RALGAPA2: variants seen among roughly 807,000 people sequenced by gnomAD.
RALGAPA2 encodes Ral GTPase activating protein catalytic subunit alpha 2.
RALGAPA2 carries 139 observed loss-of-function variants against 230.4 expected under a neutral mutation model. The observed-to-expected ratio is 0.60, with a 90% CI of 0.53 to 0.69. RALGAPA2 has a LOEUF of 0.69. Ranked by LOEUF, RALGAPA2 falls within the 30% of genes least tolerant of loss-of-function variation. The pLI is 0.00. For synonymous variants in RALGAPA2, 847 were observed against 837.8 expected (o/e 1.01, Z -0.19); for missense variants, 2,163 against 2,276.0 (o/e 0.95, Z 1.01).
At chr20:20,418,301 C>T (rs907391353) in intron 37 of RALGAPA2, among the ~76,000 whole-genome samples, 6 of 152,216 alleles carry the variant, frequency 3.9e-5, no homozygotes, top group Non-Finnish European at 7.3e-5. Flanking sequence ...AAAATACCAT[C>T]TTATATATCC....
chr20:20,416,375 G>C (rs1234071208), intron 37 of RALGAPA2, among the ~76,000 whole-genome samples: 2 of 152,148 alleles, frequency 1.3e-5, no homozygotes, highest in Non-Finnish European at 2.9e-5. Flanking sequence ...CCATTTTACT[G>C]ATCAGGTAAT....
chr20:20,549,006 T>C (rs2145734168), intron 23 of RALGAPA2, among the ~76,000 whole-genome samples: 1 of 152,368 alleles, frequency 6.6e-6, no homozygotes, highest in South Asian at 2.1e-4. Context: ...AACTTTGTTA[T>C]GCTTGTGTTA....
Position 20,572,871 on chromosome 20 carries a change from T to C in RALGAPA2, c.2901+4A>G. 6.6e-7 allele frequency: 1 copy of C among 1,516,252 alleles called. No individual in the cohort carries two copies. Among genetic ancestry groups the C allele is most frequent in the Non-Finnish European group, 8.9e-7 (1 of 1,123,008 alleles). 93.9% of individuals were successfully genotyped at this position (1,516,252 alleles called of 1,614,324 possible). ...AGAATAAAAAGTAACATAGCAGAAC[T>C]TACCTTTGCTAGTTTGTACCAGAGT... On this transcript the variant is annotated splice_donor_region_variant and intron_variant, in intron 21 of 39. Transcript: ENST00000202677.
intron 2 of RALGAPA2, among the ~76,000 whole-genome samples, chr20:20,678,940 T>C (rs2068430864): frequency 6.6e-6 from 1 of 152,122 alleles, no homozygotes. Context: ...CAATTCTCTC[T>C]CCCCTGGTCC....
intron 1 of RALGAPA2, among the ~76,000 whole-genome samples, chr20:20,701,693 G>A (rs1476212840): frequency 6.6e-6 from 1 of 151,962 alleles, no homozygotes; most frequent in Non-Finnish European, 1.5e-5. Flanking sequence ...TTGTGCCACT[G>A]CACTCCAGCC....
At chr20:20,615,808 A>G (rs2066123184) in intron 13 of RALGAPA2, among the ~76,000 whole-genome samples, 1 of 152,200 alleles carries the variant, frequency 6.6e-6, no homozygotes, top group South Asian at 2.1e-4. Flanking sequence ...GGAAAAATCC[A>G]CTATTAAGTA....
rs963384574 is a variant in RALGAPA2, at chr20:20,437,973, C to T, written c.5496-25825G>A. 3.2e-4 allele frequency among the ~76,000 whole-genome samples: 49 copies of T among 152,146 alleles called. No individual in the cohort carries two copies. Among genetic ancestry groups the T allele is most frequent in the Admixed American group, 2.7e-3 (41 of 15,278 alleles). Reference sequence around the variant, plus strand: ...CAGTGGTTCCAGTGGATCCTGACTCCGTGGTTCTTATGAATCCCGCAAAGA... The same window carrying T: ...CAGTGGTTCCAGTGGATCCTGACTCTGTGGTTCTTATGAATCCCGCAAAGA... On this transcript the variant is annotated intron_variant, in intron 37 of 39. Coordinates refer to ENST00000202677, the MANE Select transcript of RALGAPA2 (RefSeq NM_020343.4). The surrounding 1 kb of genome is among the most constrained non-coding windows in gnomAD (Gnocchi z 4.1).
chr20:20,560,146 T>C (rs1602795760), intron 23 of RALGAPA2, among the ~76,000 whole-genome samples: 1 of 151,442 alleles, frequency 6.6e-6, no homozygotes, highest in East Asian at 1.9e-4. Flanking sequence ...GGCTCTTGCA[T>C]GATGGGGACA....
At chr20:20,399,804 GA>G (rs887911309) in intron 38 of RALGAPA2, among the ~76,000 whole-genome samples, 37 of 152,354 alleles carry the variant, frequency 2.4e-4, no homozygotes, top group African/African-American at 8.7e-4. Context: ...GCAAGGCTTT[GA>G]ACCAAGCTTC....
At chr20:20,422,739 A>G (rs1250256256) in intron 37 of RALGAPA2, among the ~76,000 whole-genome samples, 1 of 152,240 alleles carries the variant, frequency 6.6e-6, no homozygotes, top group Non-Finnish European at 1.5e-5. Flanking sequence ...TCATTTAAGC[A>G]TGGAAGACAC....
At chr20:20,699,393 C>T (rs778762706) in intron 1 of RALGAPA2, among the ~76,000 whole-genome samples, 6 of 152,156 alleles carry the variant, frequency 3.9e-5, no homozygotes, top group Non-Finnish European at 7.3e-5. Context: ...ATAAGCTATA[C>T]CACGTCAAGC....
intron 23 of RALGAPA2, among the ~76,000 whole-genome samples, chr20:20,556,937 T>C (rs748540523): frequency 2.6e-5 from 4 of 152,150 alleles, no homozygotes; most frequent in Non-Finnish European, 5.9e-5. Context: ...GTGTCTCTGT[T>C]TGTCTCCTCC....
chr20:20,422,281 T>C (rs939265546), intron 37 of RALGAPA2, among the ~76,000 whole-genome samples: 17 of 152,168 alleles, frequency 1.1e-4, no homozygotes, highest in African/African-American at 3.9e-4. Context: ...AACGCTATGG[T>C]CTGTGAATTA....
intron 39 of RALGAPA2, among the ~76,000 whole-genome samples, chr20:20,395,753 T>C (rs2059701238): frequency 6.6e-6 from 1 of 152,088 alleles, no homozygotes; most frequent in Non-Finnish European, 1.5e-5. Flanking sequence ...GGCCTGCAGG[T>C]CCAACAGCCC....
At chr20:20,691,223 C>T (rs1005446537) in intron 1 of RALGAPA2, among the ~76,000 whole-genome samples, 5 of 152,274 alleles carry the variant, frequency 3.3e-5, no homozygotes, top group African/African-American at 9.6e-5. Context: ...TCCTTGAATC[C>T]AATAACCCCA....
intron 23 of RALGAPA2, 65 bp downstream of exon 23, chr20:20,571,393 G>A (rs1249549838): frequency 1.4e-6 from 2 of 1,457,660 alleles, no homozygotes; most frequent in Non-Finnish European, 9.3e-7. Context: ...TATTACTAAT[G>A]TCTTTAAAGA....
chr20:20,486,589 T>A (rs745818781), intron 36 of RALGAPA2, among the ~76,000 whole-genome samples: 1 of 152,184 alleles, frequency 6.6e-6, no homozygotes, highest in African/African-American at 2.4e-5. Context: ...CATTTTGATA[T>A]TTATTCTGCT....
At chr20:20,402,421 C>T (rs767979975) in intron 38 of RALGAPA2, among the ~76,000 whole-genome samples, 1 of 152,216 alleles carries the variant, frequency 6.6e-6, no homozygotes, top group Non-Finnish European at 1.5e-5. Flanking sequence ...GTGGGGATGG[C>T]CATCTGCGCG....
In RALGAPA2 at chr20:20,505,482, T is replaced by C; in HGVS notation, c.4981A>G (p.Lys1661Glu). Reference protein sequence around the residue: ...VFYIAEGQEDKCSILSNERGS... With the variant: ...VFYIAEGQEDECSILSNERGS... Reference sequence around the variant, plus strand: ...CTTTCATTAGAGAGGATTGAACACTTGTCTTCTTGACCTTCAGCAATGTAA... The same window carrying C: ...CTTTCATTAGAGAGGATTGAACACTCGTCTTCTTGACCTTCAGCAATGTAA... The change falls in exon 34 of 40, where the codon AAG becomes GAG. Residue 1661 changes from lysine to glutamate, a missense_variant. Physicochemically the swap from Lys to Glu is moderately conservative, Grantham distance 56. Coordinates refer to ENST00000202677, the MANE Select transcript of RALGAPA2 (RefSeq NM_020343.4). 1 of 1,605,582 alleles carries C rather than the reference T, an allele frequency of 6.2e-7. No homozygotes were observed. Among genetic ancestry groups the C allele is most frequent in the Admixed American group, 1.7e-5 (1 of 59,148 alleles).
Sources: allele counts gnomAD v4.1 joint callset (sites outside exome capture counted in the v4.1 genomes callset), GRCh38; gene constraint gnomAD v4.1.1; non-coding constraint Gnocchi (gnomAD v3.1); transcripts MANE v1.5; gene names NCBI Gene and HGNC (gene_info 2026-07-23, HGNC 2026-07-21).